The following APOB variants were observed in gnomAD, a reference collection of about 807,000 sequenced individuals.
The protein encoded by APOB is apolipoprotein B.
In APOB, 153 loss-of-function variants were observed where a neutral mutation model predicts 314.1. The ratio of observed to expected loss-of-function variants is 0.49; its 90% CI spans 0.43 to 0.56. APOB has a LOEUF of 0.56. APOB is among the 20% of genes least tolerant of loss of function. APOB has a pLI of 0.00. For synonymous variants in APOB, 2,087 were observed against 2,036.4 expected (o/e 1.02, Z -0.67); for missense variants, 5,430 against 5,350.7 (o/e 1.01, Z -0.46).
chr2:21,005,900 C>G lies in APOB; in HGVS notation c.10968G>C (p.Lys3656Asn). Residue 3656 changes from lysine to asparagine, a missense_variant, in exon 26 of 29, where the codon AAG (lysine) becomes AAC (asparagine). Lys to Asn is a moderately conservative substitution (Grantham distance 94). Transcript: ENST00000233242. ...SQVELSNDQE[K>N]AHLDIAGSLE... ...AGGATCCTGCAATGTCAAGGTGTGC[C>G]TTTTCTTGGTCATTGGAAAGCTCGA... The G allele has an allele frequency of 6.2e-7, 1 of 1,613,904 alleles. No individual in the cohort carries two copies. The highest frequency in any genetic ancestry group is 8.5e-7 in the Non-Finnish European group (1 of 1,179,936).
Position 21,011,804 on chromosome 2 carries a change from G to A in APOB, c.5064C>T (p.Gly1688=), listed in dbSNP as rs528083505. 1.8e-4 allele frequency: 289 copies of A among 1,613,980 alleles called. No individual in the cohort carries two copies. The highest frequency in any genetic ancestry group is 2.4e-4 in the Non-Finnish European group (280 of 1,180,030). ...ATTTTGCATTGTGTTCCCTGAAGCG[G>A]CCATTTGTTGTTAATTTCATAGATG... is the stretch of plus-strand genomic sequence containing the variant. ...SGASMKLTTN[G]RFREHNAKFS... Residue 1688 remains glycine (G), a synonymous_variant, in exon 26 of 29, where the codon GGC becomes GGT. Coordinates refer to ENST00000233242, the MANE Select transcript of APOB (RefSeq NM_000384.3).
chr2:21,042,236 G>A, intron 3 of APOB, 125 bp downstream of exon 3: 1 of 782,270 alleles, frequency 1.3e-6, no homozygotes, highest in Non-Finnish European at 2.3e-6. Context: ...GATTACAACA[G>A]TTCTGGGATG....
intron 16 of APOB, 177 bp downstream of exon 16, chr2:21,024,756 A>T: frequency 1.4e-6 from 1 of 735,038 alleles, no homozygotes; most frequent in Non-Finnish European, 2.5e-6. Flanking sequence ...CTAAATGTTA[A>T]CATTTCCATG....
In APOB at chr2:21,004,314, A is replaced by G; in HGVS notation, c.12042T>C (p.Asp4014=). 3 of 1,613,994 alleles carry G rather than the reference A, an allele frequency of 1.9e-6. No homozygotes were observed. The highest frequency in any genetic ancestry group is 2.5e-6 in the Non-Finnish European group (3 of 1,179,914). ...PAVGTVGMDM[D]EDDDFSKWNF... ...TCCATTTAGAAAAGTCGTCATCTTC[A>G]TCCATATCCATGCCCACGGTGCCTA... Residue 4014 remains aspartate (D), a synonymous_variant, in exon 28 of 29, where the codon GAT becomes GAC. Transcript: ENST00000233242.
At position 21,035,624 on chromosome 2, in the gene APOB, T is replaced by C. The variant is rs144204964; in HGVS notation, c.778A>G (p.Ile260Val). The C allele has an allele frequency of 6.2e-7, 1 of 1,614,144 alleles. No homozygotes were observed. Residue 260 changes from isoleucine (I) to valine (V), a missense_variant, in exon 7 of 29, where the codon ATC becomes GTC. Physicochemically the swap from Ile to Val is conservative, Grantham distance 29. Coordinates refer to ENST00000233242, the MANE Select transcript of APOB (RefSeq NM_000384.3). ...AGGAAGAGGTGTTGCTCCTTGCAGA[T>C]GGCTTCTGCCACATGCTTCCTCTTA... ...DAKRKHVAEA[I>V]CKEQHLFLPF... is the part of the protein sequence containing the mutation.
rs1663067549 is a variant in APOB, at chr2:21,004,287, G to A, written c.12069C>T (p.Asn4023=). ...TATTTACCTGAGGGCTGTAGTAGAA[G>A]TTCCATTTAGAAAAGTCGTCATCTT... The part of the protein sequence containing the change: ...MDEDDDFSKW[N]FYYSPQSSPD... Residue 4023 remains asparagine, a synonymous_variant, in exon 28 of 29, where the codon AAC becomes AAT. Transcript: ENST00000233242. 6.2e-7 allele frequency: 1 copy of A among 1,613,946 alleles called. No homozygotes were observed. Among genetic ancestry groups the A allele is most frequent in the Non-Finnish European group, 8.5e-7 (1 of 1,179,872 alleles).
Position 21,013,584 on chromosome 2 carries a change from A to G in APOB, c.3843-51T>C. The G allele has an allele frequency of 2.5e-6, 4 of 1,612,394 alleles. No homozygotes were observed. The African/African-American group carries it at 4.0e-5, about 16-fold the overall frequency. ...CCCCACAGTCAGACATCAGTCATTCAAAGTTCTCTGCCTCTGACCTTCACA... is the reference window on the plus strand; with the variant it reads ...CCCCACAGTCAGACATCAGTCATTCGAAGTTCTCTGCCTCTGACCTTCACA... On this transcript the variant is annotated intron_variant, in intron 24 of 28. Transcript: ENST00000233242.
chr2:21,022,276 A>C (rs1427207650), intron 18 of APOB, among the ~76,000 whole-genome samples: 2 of 152,200 alleles, frequency 1.3e-5, no homozygotes, highest in African/African-American at 4.8e-5. Flanking sequence ...CCAATTAAAT[A>C]TTATTTTTGA....
At chr2:21,016,344 G>T in intron 21 of APOB, 95 bp downstream of exon 21, 1 of 742,918 alleles carries the variant, frequency 1.3e-6, no homozygotes, top group Non-Finnish European at 2.4e-6. Context: ...GACTAGGGGA[G>T]AACATGGCTT....
In APOB at chr2:21,011,134, T is replaced by A. The variant is rs186480094; in HGVS notation, c.5734A>T (p.Asn1912Tyr). Residue 1912 changes from asparagine to tyrosine, a missense_variant, in exon 26 of 29, where the codon AAT becomes TAT. Asn to Tyr is a moderately radical substitution (Grantham distance 143). Coordinates refer to ENST00000233242, the MANE Select transcript of APOB (RefSeq NM_000384.3). Reference protein sequence around the residue: ...PFTMTIDAHTNGNGKLALWGE... With the variant: ...PFTMTIDAHTYGNGKLALWGE... Reference sequence around the variant, plus strand: ...CAGAGAGCGAGTTTCCCATTGCCATTTGTATGTGCATCGATGGTCATGGTA... The same window carrying A: ...CAGAGAGCGAGTTTCCCATTGCCATATGTATGTGCATCGATGGTCATGGTA... 29 of 1,614,176 alleles carry A rather than the reference T, an allele frequency of 1.8e-5. No individual in the cohort carries two copies. In the Admixed American group the frequency reaches 2.7e-4, roughly 15 times the overall value.
At chr2:21,039,251 A>C (rs1278227849) in intron 4 of APOB, among the ~76,000 whole-genome samples, 1 of 152,250 alleles carries the variant, frequency 6.6e-6, no homozygotes, top group Admixed American at 6.5e-5. Flanking sequence ...AACAGGTGCT[A>C]TCACTGTTTT....
At chr2:21,042,595 AT>A in intron 2 of APOB, 119 bp from the exon 3 acceptor site, 1 of 756,200 alleles carries the variant, frequency 1.3e-6, no homozygotes, top group Non-Finnish European at 2.4e-6. Context: ...AACTCAAATT[AT>A]TTTTTAATTG....
intron 18 of APOB, 152 bp downstream of exon 18, chr2:21,022,679 A>T: frequency 1.4e-6 from 1 of 702,354 alleles, no homozygotes; most frequent in East Asian, 2.7e-5. Flanking sequence ...TAGAATTAAA[A>T]TAGGTAACCC....
rs759073099 is a variant in APOB at position 21,025,038 on chromosome 2, G to C, written c.2331C>G (p.Leu777=). 34 of 1,614,130 alleles carry C rather than the reference G, an allele frequency of 2.1e-5. No individual in the cohort carries two copies. The highest frequency in any genetic ancestry group is 2.8e-5 in the Non-Finnish European group (33 of 1,180,058). ...AACCAAGCTCCTCTCCCAAGATGCG[G>C]AGGTAGGCTCTGGCTTCCGGGACTT... The part of the protein sequence containing the change: ...SKEVPEARAY[L]RILGEELGFA... Residue 777 remains leucine, a synonymous_variant, in exon 16 of 29, where the codon CTC becomes CTG. Coordinates refer to ENST00000233242, the MANE Select transcript of APOB (RefSeq NM_000384.3).
chr2:21,043,742 C>T (rs1326659084), intron 1 of APOB, 122 bp downstream of exon 1: 3 of 1,509,766 alleles, frequency 2.0e-6, no homozygotes, highest in Non-Finnish European at 2.7e-6. Flanking sequence ...GTCCAATCCC[C>T]CCACTCGCCC....
intron 19 of APOB, 101 bp downstream of exon 19, chr2:21,019,622 G>T: frequency 7.9e-7 from 1 of 1,269,546 alleles, no homozygotes; most frequent in Non-Finnish European, 1.1e-6. Context: ...GAAGGCTAGT[G>T]ACAGGGTCTT....
rs775852055 is a variant in APOB at position 21,028,415 on chromosome 2, G to A, written c.1741C>T (p.Leu581=). The change falls in exon 13 of 29, where the codon CTA becomes TTA. Residue 581 remains leucine (L), a synonymous_variant. Coordinates refer to ENST00000233242, the MANE Select transcript of APOB (RefSeq NM_000384.3). The stretch of plus-strand genomic sequence containing the variant: ...ACTTGCTCATTCTGTTCCCATGGTA[G>A]AATTTGGACAATTTTGTTAATATCT... ...QADINKIVQI[L]PWEQNEQVKN... 2.4e-5 allele frequency: 38 copies of A among 1,614,024 alleles called. No homozygotes were observed. In the African/African-American group the frequency reaches 4.5e-4, roughly 19 times the overall value.
chr2:21,019,224 A>C lies in APOB; in HGVS notation c.3000-111T>G. Reference sequence around the variant, plus strand: ...GCAACAAAAATATGGTCCTTATTTTAACATTGTCTCTTGCCCTTAACTAAG... The same window carrying C: ...GCAACAAAAATATGGTCCTTATTTTCACATTGTCTCTTGCCCTTAACTAAG... On this transcript the variant is annotated intron_variant, in intron 19 of 28. Coordinates refer to ENST00000233242, the MANE Select transcript of APOB (RefSeq NM_000384.3). 2.2e-6 allele frequency: 3 copies of C among 1,368,012 alleles called. No individual in the cohort carries two copies. The Admixed American group carries it at 5.0e-5, about 23-fold the overall frequency. 84.7% of individuals were successfully genotyped at this position (1,368,012 alleles called of 1,614,324 possible).
chr2:21,027,760 T>C, intron 14 of APOB, 68 bp downstream of exon 14: 1 of 1,247,402 alleles, frequency 8.0e-7, no homozygotes, highest in Non-Finnish European at 1.2e-6. Context: ...AGCTCCTGGC[T>C]CCCAGGGACT....
Sources: gnomAD v4.1 joint callset for allele counts (sites outside exome capture counted in the v4.1 genomes callset) on GRCh38, gnomAD v4.1.1 for gene constraint, MANE v1.5 for transcripts, NCBI Gene and HGNC (gene_info 2026-07-23, HGNC 2026-07-21) for gene names.